Variants in SLC44A5 observed in about 807,000 individuals in gnomAD.
The protein encoded by SLC44A5 is choline transporter-like protein 5.
In SLC44A5, 57 loss-of-function variants were observed where a neutral mutation model predicts 101.8. That is an observed-to-expected ratio of 0.56 (90% CI 0.45 to 0.70). The LOEUF (loss-of-function observed/expected upper bound fraction) is 0.70, where lower values mean the gene tolerates loss of function less well. Ranked by LOEUF, SLC44A5 falls within the 30% of genes least tolerant of loss-of-function variation. SLC44A5 has a pLI of 0.00. For synonymous variants in SLC44A5, 281 were observed against 290.9 expected (o/e 0.97, Z 0.35); for missense variants, 737 against 853.1 (o/e 0.86, Z 1.70).
chr1:75,300,738 G>T (rs1332493794), intron 4 of SLC44A5, 53 bp from the exon 5 acceptor site: 2 of 1,194,962 alleles, frequency 1.7e-6, no homozygotes, highest in Non-Finnish European at 2.3e-6. Context: ...ATGACTTCCT[G>T]TTTCCTGCAC....
chr1:75,377,047 C>T (rs114368500), intron 3 of SLC44A5, among the ~76,000 whole-genome samples: 3,271 of 152,124 alleles, frequency 0.022, 99 homozygotes, highest in African/African-American at 0.065. Flanking sequence ...CCTCAGGAGT[C>T]GATGCTATCA....
chr1:75,592,239 T>C (rs1049296038), intron 1 of SLC44A5, among the ~76,000 whole-genome samples: 1 of 151,340 alleles, frequency 6.6e-6, no homozygotes, highest in Non-Finnish European at 1.5e-5. Flanking sequence ...CAGTGAACAA[T>C]GCAAAAAAAA....
At chr1:75,615,577 T>C (rs983763798), upstream of SLC44A5, among the ~76,000 whole-genome samples, 1 of 151,468 alleles carries the variant, frequency 6.6e-6, no homozygotes, top group African/African-American at 2.4e-5. Flanking sequence ...AACAGATAGA[T>C]ACCCAAGCTC....
At chr1:75,704,361 T>C in the SLC44A5 span, among the ~76,000 whole-genome samples, 2 of 152,040 alleles carry the variant, frequency 1.3e-5, no homozygotes, top group Non-Finnish European at 1.5e-5. Flanking sequence ...TGATGGCTCA[T>C]ACCTGTAATC....
intron 23 of SLC44A5, 115 bp from the exon 24 acceptor site, chr1:75,203,948 T>TTGTTGTTG: frequency 7.7e-7 from 1 of 1,304,876 alleles, no homozygotes; most frequent in Non-Finnish European, 1.0e-6. Context: ...TTGTTTTTTT[T>TTGTTGTTG]TTGTTGTTGT....
chr1:75,244,937 T>C (rs1413500737), intron 7 of SLC44A5, among the ~76,000 whole-genome samples: 1 of 152,048 alleles, frequency 6.6e-6, no homozygotes, highest in Admixed American at 6.6e-5. Flanking sequence ...TGGTAATTAT[T>C]CTCATTGGCC....
At chr1:75,481,603 C>G (rs1324101749) in intron 2 of SLC44A5, among the ~76,000 whole-genome samples, 1 of 151,902 alleles carries the variant, frequency 6.6e-6, no homozygotes, top group Non-Finnish European at 1.5e-5. Context: ...AGGACATGAA[C>G]AGACACTTCT....
the SLC44A5 span, among the ~76,000 whole-genome samples, chr1:75,700,415 A>G: frequency 6.7e-6 from 1 of 150,102 alleles, no homozygotes; most frequent in Non-Finnish European, 1.5e-5. Context: ...TACTGGGTAC[A>G]TAACGAAATG....
chr1:75,683,610 G>T, the SLC44A5 span, among the ~76,000 whole-genome samples: 1 of 152,100 alleles, frequency 6.6e-6, no homozygotes, highest in Non-Finnish European at 1.5e-5. Flanking sequence ...CTGTTGTGAG[G>T]TGGCGGAAGG....
chr1:75,488,788 G>T (rs1668287760), intron 2 of SLC44A5, among the ~76,000 whole-genome samples: 1 of 152,138 alleles, frequency 6.6e-6, no homozygotes, highest in South Asian at 2.1e-4. Flanking sequence ...ATGTTCTGTG[G>T]TGAAATAACC....
At chr1:75,355,255 A>G (rs1022086874) in intron 3 of SLC44A5, among the ~76,000 whole-genome samples, 8 of 152,234 alleles carry the variant, frequency 5.3e-5, no homozygotes, top group Non-Finnish European at 1.5e-5. Flanking sequence ...AATACTGTAT[A>G]AAAATTATAA....
At chr1:75,581,095 A>T (rs1279251368) in intron 1 of SLC44A5, among the ~76,000 whole-genome samples, 1 of 152,216 alleles carries the variant, frequency 6.6e-6, no homozygotes, top group East Asian at 1.9e-4. Flanking sequence ...CATTTTGTCC[A>T]TTTAAAAGGC....
At chr1:75,235,266 T>C (rs12568950) in intron 11 of SLC44A5, among the ~76,000 whole-genome samples, 42,853 of 151,904 alleles carry the variant, frequency 0.28, 6,354 homozygotes, top group Middle Eastern at 0.36. Flanking sequence ...ACAGCTATTT[T>C]AAGCGTATCA....
At chr1:75,590,086 C>T (rs909624571) in intron 1 of SLC44A5, among the ~76,000 whole-genome samples, 1 of 152,044 alleles carries the variant, frequency 6.6e-6, no homozygotes, top group Non-Finnish European at 1.5e-5. Context: ...GAGACACCAG[C>T]TGGGGTAACC....
At chr1:75,461,539 T>C (rs894673338) in intron 2 of SLC44A5, among the ~76,000 whole-genome samples, 5 of 152,200 alleles carry the variant, frequency 3.3e-5, no homozygotes, top group African/African-American at 1.2e-4. Context: ...CAAATTTTGC[T>C]AGCCACGGTG....
At chr1:75,488,150 G>A (rs1415122275) in intron 2 of SLC44A5, among the ~76,000 whole-genome samples, 1 of 152,154 alleles carries the variant, frequency 6.6e-6, no homozygotes, top group African/African-American at 2.4e-5. Context: ...ATGATGATGA[G>A]TTCTATAATT....
At chr1:75,347,847 G>C (rs1315159859) in intron 3 of SLC44A5, among the ~76,000 whole-genome samples, 1 of 152,044 alleles carries the variant, frequency 6.6e-6, no homozygotes, top group Non-Finnish European at 1.5e-5. Context: ...CCATATGTGA[G>C]GCAGAAATGT....
chr1:75,415,509 G>C (rs1177273041), intron 2 of SLC44A5, among the ~76,000 whole-genome samples: 1 of 152,158 alleles, frequency 6.6e-6, no homozygotes, highest in Non-Finnish European at 1.5e-5. Context: ...TGTGAAAACA[G>C]ACTAATACAG....
At chr1:75,306,041 T>A (rs1381940714) in intron 4 of SLC44A5, among the ~76,000 whole-genome samples, 1 of 152,236 alleles carries the variant, frequency 6.6e-6, no homozygotes, top group Non-Finnish European at 1.5e-5. Context: ...CTAAACAATT[T>A]TTTAAAAATC....
Sources: gnomAD v4.1 joint callset for allele counts (sites outside exome capture counted in the v4.1 genomes callset) on GRCh38, gnomAD v4.1.1 for gene constraint, MANE v1.5 for transcripts, NCBI Gene and HGNC (gene_info 2026-07-23, HGNC 2026-07-21) for gene names.